The following HECW2 variants were observed in gnomAD, a reference collection of about 807,000 sequenced individuals.
The protein encoded by HECW2 is HECT, C2 and WW domain containing E3 ubiquitin protein ligase 2.
Under a neutral mutation model 175.2 loss-of-function variants are expected in HECW2, and 61 were observed. The ratio of observed to expected loss-of-function variants is 0.35; its 90% CI spans 0.28 to 0.43. HECW2 has a LOEUF of 0.43. HECW2 is among the 20% of genes least tolerant of loss of function. The pLI, the probability that HECW2 is intolerant of heterozygous loss-of-function variation, is 1.00. For missense variants in HECW2, 1,524 were observed against 2,000.5 expected, an observed-to-expected ratio of 0.76 and a Z score of 4.54; for synonymous variants, 671 against 731.0, an observed-to-expected ratio of 0.92 and a Z score of 1.32.
At chr2:196,240,299 A>AC in intron 21 of HECW2, 150 bp downstream of exon 21, 1 of 161,444 alleles carries the variant, frequency 6.2e-6, no homozygotes, top group Non-Finnish European at 1.3e-5. Context: ...GGAGACCTTT[A>AC]AAAAAAAAAA....
Position 196,278,579 on chromosome 2 carries a change from C to A in HECW2, c.3084G>T (p.Ala1028=), listed in dbSNP as rs142324528. The A allele has an allele frequency of 1.2e-6, 2 of 1,614,092 alleles. No individual in the cohort carries two copies. The highest frequency in any genetic ancestry group is 1.3e-5 in the African/African-American group (1 of 75,012). ...TTGTCAGGTGTTGCCGATGAACCAGCGCACTTGTGGGTCTACTGCTCTGAA... is the reference window on the plus strand; with the variant it reads ...TTGTCAGGTGTTGCCGATGAACCAGAGCACTTGTGGGTCTACTGCTCTGAA... ...LPLQSSRPTS[A]LVHRQHLTRQ... is the part of the protein sequence containing the mutation. Residue 1028 remains alanine (A), a synonymous_variant, in exon 15 of 29, where the codon GCG becomes GCT. Transcript: ENST00000644978.
At chr2:196,590,363 G>A (rs576023264) in intron 1 of HECW2, among the ~76,000 whole-genome samples, 189 of 152,218 alleles carry the variant, frequency 1.2e-3, no homozygotes, top group Non-Finnish European at 2.3e-3. Flanking sequence ...TTCAAACATA[G>A]TCCTCCCTCT....
At position 196,319,357 on chromosome 2, in the gene HECW2, G is replaced by T; in HGVS notation, c.1533C>A (p.Asn511Lys). 1 of 1,614,182 alleles carries T rather than the reference G, an allele frequency of 6.2e-7. No homozygotes were observed. The highest frequency in any genetic ancestry group is 1.1e-5 in the South Asian group (1 of 91,072). The change falls in exon 9 of 29, where the codon AAC becomes AAA. Residue 511 changes from asparagine to lysine, a missense_variant. Around this residue, in one of 11 missense-constraint regions of HECW2, gnomAD observed 604 missense variants for 588.3 expected, o/e 1.03. Coordinates refer to ENST00000644978, the MANE Select transcript of HECW2 (RefSeq NM_001348768.2). ...SLTSQTKLED[N>K]PVENEEASTH... is the part of the protein sequence containing the mutation. ...TGGAGGCTTCCTCATTCTCAACAGG[G>T]TTGTCCTCCAGCTTTGTCTGAGATG...
At chr2:196,458,618 A>T (rs1696612177) in intron 1 of HECW2, among the ~76,000 whole-genome samples, 1 of 152,234 alleles carries the variant, frequency 6.6e-6, no homozygotes, top group African/African-American at 2.4e-5. Flanking sequence ...CTGTAATCCC[A>T]GCACTTTGGG....
intron 1 of HECW2, among the ~76,000 whole-genome samples, chr2:196,570,407 T>G (rs1444690931): frequency 6.6e-6 from 1 of 152,234 alleles, no homozygotes; most frequent in Non-Finnish European, 1.5e-5. Flanking sequence ...GGCAGCACAG[T>G]ATTTTATTGA....
intron 17 of HECW2, among the ~76,000 whole-genome samples, chr2:196,267,030 TG>T (rs1208603217): frequency 1.4e-4 from 21 of 152,134 alleles, no homozygotes. Context: ...CTACCCAGAA[TG>T]AAAAAATTAT....
intron 1 of HECW2, among the ~76,000 whole-genome samples, chr2:196,471,077 T>G (rs952830423): frequency 1.3e-5 from 2 of 151,200 alleles, no homozygotes; most frequent in African/African-American, 4.9e-5. Context: ...GAGATTCATA[T>G]GGACAATGGT....
At chr2:196,517,642 C>T (rs185243534) in intron 1 of HECW2, among the ~76,000 whole-genome samples, 4 of 152,284 alleles carry the variant, frequency 2.6e-5, no homozygotes, top group Admixed American at 2.6e-4. Flanking sequence ...GTTACAGTTA[C>T]TTGGTCTTAA....
chr2:196,549,326 T>A (rs1323368534), intron 1 of HECW2, among the ~76,000 whole-genome samples: 1 of 152,248 alleles, frequency 6.6e-6, no homozygotes, highest in Admixed American at 6.5e-5. Context: ...GGTCTCACTA[T>A]CGTTACTTTA....
intron 13 of HECW2, among the ~76,000 whole-genome samples, chr2:196,305,826 T>C (rs925790573): frequency 2.0e-5 from 3 of 152,216 alleles, no homozygotes; most frequent in African/African-American, 7.2e-5. Flanking sequence ...GAATGGATTA[T>C]ATCCTGCTAG....
At chr2:196,266,111 T>A (rs1689502459) in intron 17 of HECW2, among the ~76,000 whole-genome samples, 1 of 150,544 alleles carries the variant, frequency 6.6e-6, no homozygotes, top group Non-Finnish European at 1.5e-5. Flanking sequence ...CAGGAGGATC[T>A]CTTAAGCCCA....
At chr2:196,394,657 A>T (rs568944919) in intron 2 of HECW2, among the ~76,000 whole-genome samples, 1 of 152,206 alleles carries the variant, frequency 6.6e-6, no homozygotes, top group African/African-American at 2.4e-5. Context: ...GATTTGTATG[A>T]TTCTAAAGTT....
intron 1 of HECW2, among the ~76,000 whole-genome samples, chr2:196,437,843 A>G (rs1695926282): frequency 6.6e-6 from 1 of 152,160 alleles, no homozygotes; most frequent in South Asian, 2.1e-4. Context: ...CTCCAAGGAC[A>G]GTGTCAAATG....
chr2:196,527,021 C>A (rs10194595), intron 1 of HECW2, among the ~76,000 whole-genome samples: 9 of 152,018 alleles, frequency 5.9e-5, no homozygotes, highest in African/African-American at 9.7e-5. Context: ...TGGAGCTTCC[C>A]GGCTGCTTTG....
intron 2 of HECW2, among the ~76,000 whole-genome samples, chr2:196,398,339 T>C (rs1470096608): frequency 6.6e-6 from 1 of 152,226 alleles, no homozygotes; most frequent in African/African-American, 2.4e-5. Context: ...CACAGACATA[T>C]AGTAAAATGT....
At chr2:196,513,140 A>G (rs553814489) in intron 1 of HECW2, among the ~76,000 whole-genome samples, 3 of 152,334 alleles carry the variant, frequency 2.0e-5, no homozygotes, top group African/African-American at 7.2e-5. Flanking sequence ...TGAAGATGTA[A>G]TAGTATATTT....
chr2:196,347,937 G>A (rs1575443936), intron 2 of HECW2, among the ~76,000 whole-genome samples: 1 of 152,208 alleles, frequency 6.6e-6, no homozygotes, highest in East Asian at 1.9e-4. Context: ...TATGAATCCT[G>A]AGAAATAAGT....
At chr2:196,292,829 C>T (rs1480201001) in intron 13 of HECW2, 79 bp from the exon 14 acceptor site, 1 of 1,091,574 alleles carries the variant, frequency 9.2e-7, no homozygotes, top group Non-Finnish European at 1.3e-6. Flanking sequence ...ATGGGTATGG[C>T]TAATCTTCCA....
rs372330332 is a variant in HECW2, at chr2:196,320,363, C to T, written c.961G>A (p.Glu321Lys). The change falls in exon 8 of 29, where the codon GAG becomes AAG. Residue 321 changes from glutamate (E) to lysine (K), a missense_variant. Around this residue, in one of 11 missense-constraint regions of HECW2, gnomAD observed 604 missense variants for 588.3 expected, o/e 1.03. Transcript: ENST00000644978. ...HVSGYLQFKV[E>K]VTSSVHEDAS... ...CCTTCATGAACAGAAGACGTAACCT[C>T]CACTTTAAACTGGAGGTACCCACTC... 1.9e-6 allele frequency: 3 copies of T among 1,610,244 alleles called. No individual in the cohort carries two copies. The highest frequency in any genetic ancestry group is 8.5e-7 in the Non-Finnish European group (1 of 1,176,928).
Sources: allele counts gnomAD v4.1 joint callset (sites outside exome capture counted in the v4.1 genomes callset), GRCh38; gene constraint gnomAD v4.1.1; regional missense constraint gnomAD v4.1.1; transcripts MANE v1.5; gene names NCBI Gene and HGNC (gene_info 2026-07-23, HGNC 2026-07-21).